COL5A1: variants seen among roughly 807,000 people sequenced by gnomAD.
COL5A1 encodes collagen alpha-1(V) chain.
In COL5A1, 16 loss-of-function variants were observed where a neutral mutation model predicts 263.7. That is an observed-to-expected ratio of 0.06 (90% CI 0.04 to 0.09). The LOEUF (loss-of-function observed/expected upper bound fraction) is 0.09. Among genes scored for constraint, COL5A1 ranks in the 10% least tolerant of loss-of-function variants. COL5A1 has a pLI of 1.00. For synonymous variants in COL5A1, 1,012 were observed against 1,004.5 expected (o/e 1.01, Z -0.14); for missense variants, 2,036 against 2,540.5 (o/e 0.80, Z 4.27).
rs1004811843 is a variant in COL5A1 at position 134,680,503 on chromosome 9, C to G, written c.110-10409C>G. On this transcript the variant is annotated intron_variant, in intron 1 of 65. Coordinates refer to ENST00000371817, the MANE Select transcript of COL5A1 (RefSeq NM_000093.5). This position sits in a 1 kb window ranked among gnomAD's most constrained non-coding sequence, Gnocchi z 5.9. ...CCATGGCTGAGGACACCAACCTGGT[C>G]CCCGCTGTGGAGGGCGGAGCTGGCA... is the stretch of plus-strand genomic sequence containing the variant. Among the ~76,000 whole-genome samples the G allele has an allele frequency of 6.6e-6, 1 of 152,234 alleles. No homozygotes were observed. The highest frequency in any genetic ancestry group is 1.5e-5 in the Non-Finnish European group (1 of 68,044).
At chr9:134,836,888 G>T (rs1839871260) in intron 65 of COL5A1, among the ~76,000 whole-genome samples, 1 of 152,222 alleles carries the variant, frequency 6.6e-6, no homozygotes. Context: ...GATTGGTTGG[G>T]GTCAGTACTT....
rs1837841985 is a variant in COL5A1, at chr9:134,794,949, G to T, written c.2701-133G>T. On this transcript the variant is annotated intron_variant, in intron 32 of 65. Coordinates refer to ENST00000371817, the MANE Select transcript of COL5A1 (RefSeq NM_000093.5). This position sits in a 1 kb window ranked among gnomAD's most constrained non-coding sequence, Gnocchi z 4.3. Reference sequence around the variant, plus strand: ...TCTCCTATTAAAACACGGAAAAGGTGGGTGGCGGGGAGGCCCAGGTTCCTC... The same window carrying T: ...TCTCCTATTAAAACACGGAAAAGGTTGGTGGCGGGGAGGCCCAGGTTCCTC... The T allele has an allele frequency of 3.4e-6, 3 of 892,890 alleles. No homozygotes were observed. The highest frequency in any genetic ancestry group is 3.3e-5 in the African/African-American group (2 of 60,074). 55.3% of individuals were successfully genotyped at this position (892,890 alleles called of 1,614,324 possible). A position where few individuals can be genotyped will look rare whatever the true frequency, so the allele number is the denominator to read the frequency against.
intron 32 of COL5A1, among the ~76,000 whole-genome samples, chr9:134,792,831 G>A (rs1297279584): frequency 6.6e-6 from 1 of 151,336 alleles, no homozygotes; most frequent in East Asian, 1.9e-4. Context: ...GTGTGTGTAT[G>A]CATGTGTATG....
At chr9:134,737,461 CT>C (rs1835144040) in intron 9 of COL5A1, among the ~76,000 whole-genome samples, 1 of 152,206 alleles carries the variant, frequency 6.6e-6, no homozygotes, top group Non-Finnish European at 1.5e-5. Context: ...CAGGTCCTAG[CT>C]TGCCTCAAAG....
rs1316029708 is a variant in COL5A1, at chr9:134,681,161, G to A, written c.110-9751G>A. Among the ~76,000 whole-genome samples, 1 of 152,224 alleles carries A rather than the reference G, an allele frequency of 6.6e-6. No individual in the cohort carries two copies. The highest frequency in any genetic ancestry group is 2.4e-5 in the African/African-American group (1 of 41,458). On this transcript the variant is annotated intron_variant, in intron 1 of 65. Coordinates refer to ENST00000371817, the MANE Select transcript of COL5A1 (RefSeq NM_000093.5). The surrounding 1 kb of genome is among the most constrained non-coding windows in gnomAD (Gnocchi z 4.3). ...ACTGATGAGGCCGCCTGCCTTGCAG[G>A]GAGGGCTGGGGTGGGGGGGCCTCAG...
chr9:134,831,488 CG>C (rs894343051), intron 64 of COL5A1, among the ~76,000 whole-genome samples: 32 of 152,214 alleles, frequency 2.1e-4, no homozygotes, highest in African/African-American at 7.2e-4. Context: ...CTGAAACACC[CG>C]GGGACAGGGA....
intron 60 of COL5A1, 77 bp downstream of exon 60, chr9:134,823,110 A>T: frequency 6.6e-7 from 1 of 1,511,940 alleles, no homozygotes; most frequent in Non-Finnish European, 9.2e-7. Flanking sequence ...ACGGGAACAA[A>T]CTACCCAGAC....
At chr9:134,747,043 A>G (rs983542791) in intron 11 of COL5A1, among the ~76,000 whole-genome samples, 18 of 152,210 alleles carry the variant, frequency 1.2e-4, no homozygotes, top group South Asian at 4.1e-4. Context: ...CTTGCTGACA[A>G]TGTTTCTAAG....
intron 25 of COL5A1, among the ~76,000 whole-genome samples, chr9:134,772,505 G>A (rs1355680874): frequency 6.6e-6 from 1 of 152,212 alleles, no homozygotes; most frequent in Non-Finnish European, 1.5e-5. Flanking sequence ...GGGGGTTGCT[G>A]CATACTCCCC....
intron 39 of COL5A1, among the ~76,000 whole-genome samples, chr9:134,803,851 GAAAA>G (rs35722600): frequency 6.8e-6 from 1 of 148,038 alleles, no homozygotes; most frequent in Admixed American, 6.7e-5. Context: ...TCAAAAAAAA[GAAAA>G]AAAAACAGCC....
chr9:134,766,750 G>A (rs913178010), intron 22 of COL5A1, among the ~76,000 whole-genome samples: 1 of 152,134 alleles, frequency 6.6e-6, no homozygotes, highest in Non-Finnish European at 1.5e-5. Context: ...CTTCCTGGTC[G>A]GATGTCTGGG....
intron 29 of COL5A1, among the ~76,000 whole-genome samples, chr9:134,783,584 G>T (rs1180528921): frequency 1.3e-5 from 2 of 152,164 alleles, no homozygotes; most frequent in African/African-American, 4.8e-5. Flanking sequence ...GCACGCACCG[G>T]GACGGACATC....
At chr9:134,730,186 C>T (rs770334692) in intron 6 of COL5A1, 50 bp from the exon 7 acceptor site, 13 of 1,606,730 alleles carry the variant, frequency 8.1e-6, no homozygotes, top group African/African-American at 1.3e-5. Flanking sequence ...GACCTGGCAC[C>T]ACTGCCGGCC....
At chr9:134,750,109 A>G (rs1835719560) in intron 11 of COL5A1, among the ~76,000 whole-genome samples, 1 of 152,186 alleles carries the variant, frequency 6.6e-6, no homozygotes, top group African/African-American at 2.4e-5. Context: ...ATTAAGGACA[A>G]GTGCCCACTG....
intron 16 of COL5A1, 98 bp from the exon 17 acceptor site, chr9:134,756,666 TG>T: frequency 1.5e-6 from 2 of 1,326,522 alleles, no homozygotes; most frequent in Non-Finnish European, 2.2e-6. Flanking sequence ...GGCGCGGCTC[TG>T]GTGGAACGCT....
intron 37 of COL5A1, among the ~76,000 whole-genome samples, chr9:134,799,424 C>T (rs1838031842): frequency 6.6e-6 from 1 of 152,204 alleles, no homozygotes; most frequent in African/African-American, 2.4e-5. Flanking sequence ...TCTCCGAGTG[C>T]CCACCTACTC....
intron 59 of COL5A1, among the ~76,000 whole-genome samples, chr9:134,822,722 C>CCG (rs1441749901): frequency 6.7e-6 from 1 of 150,332 alleles, no homozygotes; most frequent in African/African-American, 2.5e-5. Flanking sequence ...TCCGCTGCGC[C>CCG]CCCCCCGCGG....
At position 134,754,306 on chromosome 9, in the gene COL5A1, G is replaced by C. The variant is rs1228452191; in HGVS notation, c.1807G>C (p.Ala603Pro). ...PRGVQGPPGPAGKPGRRGRAG... is the reference protein window; with the variant it reads ...PRGVQGPPGPPGKPGRRGRAG... ...AGGTGTGCAAGGCCCGCCTGGTCCG[G>C]CCGGGAAGCCCGGAAGACGGGTGAG... is the stretch of plus-strand genomic sequence containing the variant. The change falls in exon 16 of 66, where the codon GCC becomes CCC. Residue 603 changes from alanine (A) to proline (P), a missense_variant. This residue lies in a region of COL5A1 where 1,078 missense variants were observed against 1,521.4 expected (regional missense o/e 0.71). Coordinates refer to ENST00000371817, the MANE Select transcript of COL5A1 (RefSeq NM_000093.5). The surrounding 1 kb of genome is among the most constrained non-coding windows in gnomAD (Gnocchi z 4.3). 1 of 1,613,946 alleles carries C rather than the reference G, an allele frequency of 6.2e-7. No individual in the cohort carries two copies. Among genetic ancestry groups the C allele is most frequent in the African/African-American group, 1.3e-5 (1 of 74,952 alleles).
chr9:134,656,423 G>T (rs1478003573), intron 1 of COL5A1, among the ~76,000 whole-genome samples: 1 of 152,184 alleles, frequency 6.6e-6, no homozygotes, highest in Non-Finnish European at 1.5e-5. Flanking sequence ...CGAGAGAGCA[G>T]GTTTGAACTC....
Sources: gnomAD v4.1 joint callset for allele counts (sites outside exome capture counted in the v4.1 genomes callset) on GRCh38, gnomAD v4.1.1 for gene constraint, gnomAD v4.1.1 regional missense constraint, Gnocchi (gnomAD v3.1) non-coding constraint, MANE v1.5 for transcripts, NCBI Gene and HGNC (gene_info 2026-07-23, HGNC 2026-07-21) for gene names.